Variants in PHETA1 observed in about 807,000 individuals in gnomAD.
PHETA1 encodes sesquipedalian-1.
For synonymous variants in PHETA1, 155 were observed against 168.9 expected (o/e 0.92, Z 0.64); for missense variants, 348 against 373.5 (o/e 0.93, Z 0.56).
rs1215243955 is a variant in PHETA1 at position 111,361,451 on chromosome 12, T to C, written c.*1227A>G. Reference sequence around the variant, plus strand: ...GGGAAAATCAAGGTCAGGGTGGAGGTGTCCTCAGGGGGCCACCGGTGTGGG... The same window carrying C: ...GGGAAAATCAAGGTCAGGGTGGAGGCGTCCTCAGGGGGCCACCGGTGTGGG... On this transcript the variant is annotated 3_prime_UTR_variant, in exon 3 of 3. Coordinates refer to ENST00000683047, the MANE Select transcript of PHETA1 (RefSeq NM_144671.6). 1.8e-5 allele frequency: 3 copies of C among 162,606 alleles called. No individual in the cohort carries two copies. Among genetic ancestry groups the C allele is most frequent in the African/African-American group, 4.8e-5 (2 of 41,532 alleles). The allele number at this position is 162,606 out of a possible 1,614,324, so 10.1% of individuals were successfully genotyped here.
In PHETA1 at chr12:111,367,458, CCCCACATT is replaced by C. The variant is rs1869102526; in HGVS notation, c.-181-1209_-181-1202del. ...AACAGCCCCAAGACAAGGGATCTCA[CCCCACATT>C]CACAGATGTGGAAATGGACACAGGG... On this transcript the variant is annotated intron_variant, in intron 1 of 2. Coordinates refer to ENST00000683047, the MANE Select transcript of PHETA1 (RefSeq NM_144671.6). The surrounding 1 kb of genome is among the most constrained non-coding windows in gnomAD (Gnocchi z 4.0). Among the ~76,000 whole-genome samples the C allele has an allele frequency of 6.6e-6, 1 of 152,222 alleles. No individual in the cohort carries two copies. The highest frequency in any genetic ancestry group is 2.1e-4 in the South Asian group (1 of 4,834).
chr12:111,363,254 C>T lies in PHETA1; in HGVS notation c.174G>A (p.Val58=). The change falls in exon 3 of 3, where the codon GTG becomes GTA. Residue 58 remains valine, a synonymous_variant. Coordinates refer to ENST00000683047, the MANE Select transcript of PHETA1 (RefSeq NM_144671.6). This position sits in a 1 kb window ranked among gnomAD's most constrained non-coding sequence, Gnocchi z 7.4. ...TGCAGCCCTCCAGGATGATGACGCC[C>T]ACGGGCTCACGGCTGGCAGCGTCCT... ...YFEDAASREP[V]GVIILEGCTV... 3 of 1,613,286 alleles carry T rather than the reference C, an allele frequency of 1.9e-6. No individual in the cohort carries two copies. Among genetic ancestry groups the T allele is most frequent in the Non-Finnish European group, 2.5e-6 (3 of 1,179,936 alleles).
rs961561718 is a variant in PHETA1 at position 111,368,252 on chromosome 12, C to T, written c.-182+660G>A. ...GCTGTCAAAAAGGCAAATAATTCATCCAAGATCTCCAGGGGCACAGCTGGC... is the reference window on the plus strand; with the variant it reads ...GCTGTCAAAAAGGCAAATAATTCATTCAAGATCTCCAGGGGCACAGCTGGC... On this transcript the variant is annotated intron_variant, in intron 1 of 2. Transcript: ENST00000683047. The surrounding 1 kb of genome is among the most constrained non-coding windows in gnomAD (Gnocchi z 5.0). Among the ~76,000 whole-genome samples, 9 of 152,080 alleles carry T rather than the reference C, an allele frequency of 5.9e-5. No individual in the cohort carries two copies. Among genetic ancestry groups the T allele is most frequent in the African/African-American group, 2.2e-4 (9 of 41,396 alleles).
Position 111,362,470 on chromosome 12 carries a change from G to A in PHETA1, c.*208C>T, listed in dbSNP as rs1386607558. 2 of 1,296,292 alleles carry A rather than the reference G, an allele frequency of 1.5e-6. No homozygotes were observed. The highest frequency in any genetic ancestry group is 2.1e-6 in the Non-Finnish European group (2 of 967,338). 80.3% of individuals were successfully genotyped at this position (1,296,292 alleles called of 1,614,324 possible). A position where few individuals can be genotyped will look rare whatever the true frequency, so the allele number is the denominator to read the frequency against. ...GCACGTGACGTTCCCCTCAAGGGTA[G>A]GCCTTCTGGGTCACATGGTCCTAAA... On this transcript the variant is annotated 3_prime_UTR_variant, in exon 3 of 3. Coordinates refer to ENST00000683047, the MANE Select transcript of PHETA1 (RefSeq NM_144671.6).
Position 111,367,167 on chromosome 12 carries a change from G to C in PHETA1, c.-181-910C>G, listed in dbSNP as rs1228201275. On this transcript the variant is annotated intron_variant, in intron 1 of 2. Transcript: ENST00000683047. This position sits in a 1 kb window ranked among gnomAD's most constrained non-coding sequence, Gnocchi z 4.0. Reference sequence around the variant, plus strand: ...AGACACATCCCCACCTCCAAGACTTGGTCCCGGCTGTCTGCCTGCAGGTCT... The same window carrying C: ...AGACACATCCCCACCTCCAAGACTTCGTCCCGGCTGTCTGCCTGCAGGTCT... Among the ~76,000 whole-genome samples the C allele has an allele frequency of 6.6e-6, 1 of 151,998 alleles. No homozygotes were observed. Among genetic ancestry groups the C allele is most frequent in the Non-Finnish European group, 1.5e-5 (1 of 67,994 alleles).
chr12:111,365,738 C>T (rs1268601122), intron 2 of PHETA1: 1 of 139,002 alleles, frequency 7.2e-6, no homozygotes, highest in Non-Finnish European at 1.3e-5. Flanking sequence ...CAGGGAGGGG[C>T]AGAACACATA....
Position 111,362,310 on chromosome 12 carries a change from GTCCCA to G in PHETA1, c.*363_*367del. On this transcript the variant is annotated 3_prime_UTR_variant, in exon 3 of 3. Coordinates refer to ENST00000683047, the MANE Select transcript of PHETA1 (RefSeq NM_144671.6). ...CTTTTCAGGCCACAGATCGCCCTCA[GTCCCA>G]GTGACCCTCTGAGCTGCAGGCCCGG... The G allele has an allele frequency of 4.3e-6, 2 of 468,076 alleles. No homozygotes were observed. The highest frequency in any genetic ancestry group is 7.9e-6 in the Non-Finnish European group (2 of 253,400). 29.0% of individuals were successfully genotyped at this position (468,076 alleles called of 1,614,324 possible). A position where few individuals can be genotyped will look rare whatever the true frequency, so the allele number is the denominator to read the frequency against.
rs934193500 is a variant in PHETA1, at chr12:111,362,256, G to C, written c.*422C>G. The C allele has an allele frequency of 2.7e-6, 1 of 376,978 alleles. No homozygotes were observed. The highest frequency in any genetic ancestry group is 5.1e-6 in the Non-Finnish European group (1 of 194,396). 23.4% of individuals were successfully genotyped at this position (376,978 alleles called of 1,614,324 possible). A position where few individuals can be genotyped will look rare whatever the true frequency, so the allele number is the denominator to read the frequency against. On this transcript the variant is annotated 3_prime_UTR_variant, in exon 3 of 3. Transcript: ENST00000683047. ...CTCCCTCTGTCCACCCTGAAGGCCT[G>C]GTCAGGAGCTGCACTAACTGTGCAT...
Position 111,362,970 on chromosome 12 carries a change from G to A in PHETA1, c.458C>T (p.Pro153Leu). 2 of 1,482,438 alleles carry A rather than the reference G, an allele frequency of 1.3e-6. No individual in the cohort carries two copies. Among genetic ancestry groups the A allele is most frequent in the Non-Finnish European group, 1.8e-6 (2 of 1,120,044 alleles). 91.8% of individuals were successfully genotyped at this position (1,482,438 alleles called of 1,614,324 possible). The change falls in exon 3 of 3, where the codon CCC becomes CTC. Residue 153 changes from proline to leucine, a missense_variant. By Grantham distance (98) the Pro-to-Leu change is moderately conservative. Coordinates refer to ENST00000683047, the MANE Select transcript of PHETA1 (RefSeq NM_144671.6). ...PQSLPLPPSL[P>L]SALAPVPSLP... is the part of the protein sequence containing the mutation. ...GGATGGGACTGGGGCCAGGGCAGAG[G>A]GCAGGGACGGGGGCAAGGGCAGGGA...
chr12:111,361,711 G>C lies in PHETA1; in HGVS notation c.*967C>G. Reference sequence around the variant, plus strand: ...AAGAGGGGCTCTGGAAGCCACACTCGGTGTGCGGCTTTTTCTCCGCCACTA... The same window carrying C: ...AAGAGGGGCTCTGGAAGCCACACTCCGTGTGCGGCTTTTTCTCCGCCACTA... On this transcript the variant is annotated 3_prime_UTR_variant, in exon 3 of 3. Transcript: ENST00000683047. 1 of 325,590 alleles carries C rather than the reference G, an allele frequency of 3.1e-6. No individual in the cohort carries two copies. The highest frequency in any genetic ancestry group is 4.2e-5 in the Admixed American group (1 of 23,894). 20.2% of individuals were successfully genotyped at this position (325,590 alleles called of 1,614,324 possible). A position where few individuals can be genotyped will look rare whatever the true frequency, so the allele number is the denominator to read the frequency against.
rs1868596943 is a variant in PHETA1, at chr12:111,361,474, G to A, written c.*1204C>T. The A allele has an allele frequency of 5.7e-6, 1 of 174,022 alleles. No individual in the cohort carries two copies. Among genetic ancestry groups the A allele is most frequent in the Non-Finnish European group, 1.2e-5 (1 of 80,518 alleles). 10.8% of individuals were successfully genotyped at this position (174,022 alleles called of 1,614,324 possible). A position where few individuals can be genotyped will look rare whatever the true frequency, so the allele number is the denominator to read the frequency against. On this transcript the variant is annotated 3_prime_UTR_variant, in exon 3 of 3. Coordinates refer to ENST00000683047, the MANE Select transcript of PHETA1 (RefSeq NM_144671.6). ...GGTGTCCTCAGGGGGCCACCGGTGT[G>A]GGGCACTGAGGACTGTAAACATGAC...
At position 111,363,805 on chromosome 12, in the gene PHETA1, T is replaced by C; in HGVS notation, c.-36-342A>G. On this transcript the variant is annotated intron_variant, in intron 2 of 2. Transcript: ENST00000683047. This position sits in a 1 kb window ranked among gnomAD's most constrained non-coding sequence, Gnocchi z 7.4. ...GTCACAGGGACTGGCCTGGCACCAG[T>C]GCAACAGATGAGGAAACAGAGGCAC... The C allele has an allele frequency of 8.0e-7, 1 of 1,245,992 alleles. No individual in the cohort carries two copies. The highest frequency in any genetic ancestry group is 1.5e-5 in the African/African-American group (1 of 65,960). The allele number at this position is 1,245,992 out of a possible 1,614,324, so 77.2% of individuals were successfully genotyped here.
chr12:111,365,467 G>A, intron 2 of PHETA1: 1 of 455,982 alleles, frequency 2.2e-6, no homozygotes, highest in South Asian at 1.6e-5. Context: ...AGGCTTCCTA[G>A]AAGACGGAAC....
In PHETA1 at chr12:111,362,504, C is replaced by G; in HGVS notation, c.*174G>C. On this transcript the variant is annotated 3_prime_UTR_variant, in exon 3 of 3. Transcript: ENST00000683047. ...GGTCACATGGTCCTAAAGGCCCACTCAGAATCCAGCACCTTCTCAGAGCCT... is the reference window on the plus strand; with the variant it reads ...GGTCACATGGTCCTAAAGGCCCACTGAGAATCCAGCACCTTCTCAGAGCCT... 5.4e-6 allele frequency: 8 copies of G among 1,477,398 alleles called. No individual in the cohort carries two copies. The highest frequency in any genetic ancestry group is 6.3e-6 in the Non-Finnish European group (7 of 1,114,606). 91.5% of individuals were successfully genotyped at this position (1,477,398 alleles called of 1,614,324 possible). A position where few individuals can be genotyped will look rare whatever the true frequency, so the allele number is the denominator to read the frequency against.
rs1203391141 is a variant in PHETA1 at position 111,362,971 on chromosome 12, G to A, written c.457C>T (p.Pro153Ser). The change falls in exon 3 of 3, where the codon CCC becomes TCC. Residue 153 changes from proline to serine, a missense_variant. Pro to Ser is a moderately conservative substitution (Grantham distance 74). Transcript: ENST00000683047. ...PQSLPLPPSL[P>S]SALAPVPSLP... ...GATGGGACTGGGGCCAGGGCAGAGG[G>A]CAGGGACGGGGGCAAGGGCAGGGAC... 1.4e-6 allele frequency: 2 copies of A among 1,479,874 alleles called. No individual in the cohort carries two copies. The highest frequency in any genetic ancestry group is 2.7e-5 in the South Asian group (2 of 74,424). The allele number at this position is 1,479,874 out of a possible 1,614,324, so 91.7% of individuals were successfully genotyped here.
In PHETA1 at chr12:111,368,806, G is replaced by C. The variant is rs907057752; in HGVS notation, c.-182+106C>G. 2 of 152,312 alleles carry C rather than the reference G, an allele frequency of 1.3e-5. No homozygotes were observed. The highest frequency in any genetic ancestry group is 2.9e-5 in the Non-Finnish European group (2 of 68,080). The allele number at this position is 152,312 out of a possible 1,614,324, so 9.4% of individuals were successfully genotyped here. A position where few individuals can be genotyped will look rare whatever the true frequency, so the allele number is the denominator to read the frequency against. On this transcript the variant is annotated intron_variant, in intron 1 of 2. Transcript: ENST00000683047. The surrounding 1 kb of genome is among the most constrained non-coding windows in gnomAD (Gnocchi z 5.0). ...ACTGGTGCGGAGTCCCAGCGGGGAAGATCCCCGCAACGCGCTCTCCAGGTG... is the reference window on the plus strand; with the variant it reads ...ACTGGTGCGGAGTCCCAGCGGGGAACATCCCCGCAACGCGCTCTCCAGGTG...
chr12:111,365,203 G>C (rs1390833083), intron 2 of PHETA1, among the ~76,000 whole-genome samples: 1 of 152,232 alleles, frequency 6.6e-6, no homozygotes, highest in East Asian at 1.9e-4. Flanking sequence ...ATCTCCCACT[G>C]CAGAGCCTCA....
Position 111,365,373 on chromosome 12 carries a change from C to T in PHETA1, c.-37+740G>A, listed in dbSNP as rs1433641493. Among the ~76,000 whole-genome samples the T allele has an allele frequency of 3.3e-5, 5 of 152,170 alleles. No homozygotes were observed. In the East Asian group the frequency reaches 9.6e-4, roughly 29 times the overall value. Reference sequence around the variant, plus strand: ...TGGCTCTCCTGGGAGCAGGTGACCGCAGTGAGGCCCTGCCAGACTACCTGT... The same window carrying T: ...TGGCTCTCCTGGGAGCAGGTGACCGTAGTGAGGCCCTGCCAGACTACCTGT... On this transcript the variant is annotated intron_variant, in intron 2 of 2. Coordinates refer to ENST00000683047, the MANE Select transcript of PHETA1 (RefSeq NM_144671.6).
In PHETA1 at chr12:111,363,037, G is replaced by A. The variant is rs772078545; in HGVS notation, c.391C>T (p.Arg131Cys). Residue 131 changes from arginine to cysteine, a missense_variant, in exon 3 of 3, where the codon CGT becomes TGT. Physicochemically the swap from Arg to Cys is radical, Grantham distance 180. Transcript: ENST00000683047. This position sits in a 1 kb window ranked among gnomAD's most constrained non-coding sequence, Gnocchi z 7.4. ...RELEQQLAAV[R>C]GGGGMALPQP... Reference sequence around the variant, plus strand: ...GGCAGGGCCATGCCACCCCCGCCACGTACAGCCGCCAGCTGCTGCTCCAGC... The same window carrying A: ...GGCAGGGCCATGCCACCCCCGCCACATACAGCCGCCAGCTGCTGCTCCAGC... 80 of 1,544,204 alleles carry A rather than the reference G, an allele frequency of 5.2e-5. No individual in the cohort carries two copies. Among genetic ancestry groups the A allele is most frequent in the Non-Finnish European group, 5.3e-5 (61 of 1,152,704 alleles).
Sources: allele counts gnomAD v4.1 joint callset (sites outside exome capture counted in the v4.1 genomes callset), GRCh38; gene constraint gnomAD v4.1.1; non-coding constraint Gnocchi (gnomAD v3.1); transcripts MANE v1.5; gene names NCBI Gene and HGNC (gene_info 2026-07-23, HGNC 2026-07-21).